Variants in TBC1D32 observed in about 807,000 individuals in gnomAD.
TBC1D32 encodes protein broad-minded.
A neutral mutation model predicts 170.3 loss-of-function variants in TBC1D32; 151 were observed. The observed-to-expected ratio is 0.89, with a 90% CI of 0.78 to 1.01. The LOEUF (loss-of-function observed/expected upper bound fraction) is 1.01. TBC1D32 is among the 50% of genes least tolerant of loss of function. TBC1D32 has a pLI of 0.00. For synonymous variants in TBC1D32, 498 were observed against 488.0 expected (o/e 1.02, Z -0.27); for missense variants, 1,464 against 1,457.1 (o/e 1.00, Z -0.08).
rs530815470 is a variant in TBC1D32 at position 121,169,762 on chromosome 6, G to C, written c.2571-8706C>G. On this transcript the variant is annotated intron_variant, in intron 22 of 31. Coordinates refer to ENST00000398212, the MANE Select transcript of TBC1D32 (RefSeq NM_152730.6). ...CTCCATAATAATTTTCCAAGACCTGGCTAAGATGCAGACATACTCTTTTTA... is the reference window on the plus strand; with the variant it reads ...CTCCATAATAATTTTCCAAGACCTGCCTAAGATGCAGACATACTCTTTTTA... Among the ~76,000 whole-genome samples the C allele has an allele frequency of 1.3e-4, 20 of 152,130 alleles. 1 individual carries two copies. Among genetic ancestry groups the C allele is most frequent in the Middle Eastern group, 6.8e-3 (2 of 294 alleles).
chr6:121,221,105 A>G (rs1184733260), intron 21 of TBC1D32, among the ~76,000 whole-genome samples: 3 of 152,232 alleles, frequency 2.0e-5, no homozygotes, highest in Non-Finnish European at 2.9e-5. Flanking sequence ...GCAGAAGCCA[A>G]TGCTCATTTA....
chr6:121,254,534 A>G (rs1798720915), intron 17 of TBC1D32, among the ~76,000 whole-genome samples: 1 of 152,198 alleles, frequency 6.6e-6, no homozygotes, highest in Non-Finnish European at 1.5e-5. Context: ...TGTGACAACT[A>G]TATTAGAAAA....
chr6:121,239,157 C>T lies in TBC1D32; in HGVS notation c.2277G>A (p.Trp759Ter), dbSNP rs1453895442. Reference sequence around the variant, plus strand: ...CATCTCTTCCATATTCCAGATTGGACCATAATTCAGTTATAAGTTCATTAA... The same window carrying T: ...CATCTCTTCCATATTCCAGATTGGATCATAATTCAGTTATAAGTTCATTAA... ...GFINELITEL[W>*]SNLEYGRDDV... is the part of the protein sequence containing the mutation. The change falls in exon 20 of 32, where the codon TGG becomes TGA. Residue 759 changes from tryptophan to a stop codon, truncating the protein, a stop_gained. Coordinates refer to ENST00000398212, the MANE Select transcript of TBC1D32 (RefSeq NM_152730.6). LOFTEE classifies it high-confidence loss of function. 1 of 1,598,736 alleles carries T rather than the reference C, an allele frequency of 6.3e-7. No homozygotes were observed. The highest frequency in any genetic ancestry group is 1.3e-5 in the African/African-American group (1 of 74,774).
In TBC1D32 at chr6:121,242,355, G is replaced by A; in HGVS notation, c.2019-16C>T. 6.2e-7 allele frequency: 1 copy of A among 1,609,582 alleles called. No individual in the cohort carries two copies. Among genetic ancestry groups the A allele is most frequent in the Non-Finnish European group, 8.5e-7 (1 of 1,178,422 alleles). ...CCAAGCCATACTGAAATAGGTAAAA[G>A]AAAGGTAGAGCTTTCTTTAAGATAC... is the stretch of plus-strand genomic sequence containing the variant. On this transcript the variant is annotated splice_polypyrimidine_tract_variant and intron_variant, in intron 17 of 31. Transcript: ENST00000398212.
intron 30 of TBC1D32, among the ~76,000 whole-genome samples, chr6:121,099,254 A>G (rs907175473): frequency 6.6e-6 from 1 of 151,974 alleles, no homozygotes; most frequent in Non-Finnish European, 1.5e-5. Context: ...GTACTTCTTA[A>G]GCCAGGAAAA....
intron 24 of TBC1D32, among the ~76,000 whole-genome samples, chr6:121,155,737 G>A (rs1012924091): frequency 6.6e-6 from 1 of 151,962 alleles, no homozygotes; most frequent in Non-Finnish European, 1.5e-5. Context: ...TTTTACTGAG[G>A]GCTTTTTCTG....
intron 9 of TBC1D32, among the ~76,000 whole-genome samples, chr6:121,300,464 T>G (rs1373751373): frequency 2.0e-5 from 3 of 151,834 alleles, no homozygotes; most frequent in Non-Finnish European, 4.4e-5. Context: ...AGAATAAAGC[T>G]TTGACAAACC....
intron 2 of TBC1D32, among the ~76,000 whole-genome samples, chr6:121,317,904 T>C (rs1809156526): frequency 6.6e-6 from 1 of 152,072 alleles, no homozygotes. Context: ...CCTAGGTTTT[T>C]TCATGGTTAC....
At chr6:121,180,645 G>A (rs1273764) in intron 22 of TBC1D32, among the ~76,000 whole-genome samples, 5,733 of 152,118 alleles carry the variant, frequency 0.038, 371 homozygotes, top group African/African-American at 0.13. Context: ...GAAAACGCTG[G>A]GGAAACACTA....
At chr6:121,292,792 C>G (rs1805065231) in intron 11 of TBC1D32, among the ~76,000 whole-genome samples, 1 of 152,158 alleles carries the variant, frequency 6.6e-6, no homozygotes, top group Non-Finnish European at 1.5e-5. Flanking sequence ...AGAGAATTCA[C>G]ATCAGCAAAG....
At chr6:121,211,756 C>T (rs1793096234) in intron 21 of TBC1D32, among the ~76,000 whole-genome samples, 1 of 152,134 alleles carries the variant, frequency 6.6e-6, no homozygotes, top group East Asian at 1.9e-4. Context: ...GGAAGACCCG[C>T]TGGAAAGACT....
chr6:121,256,257 A>G lies in TBC1D32; in HGVS notation c.1762T>C (p.Phe588Leu), dbSNP rs775130673. 21 of 1,613,470 alleles carry G rather than the reference A, an allele frequency of 1.3e-5. No homozygotes were observed. In the Admixed American group the frequency reaches 3.5e-4, roughly 27 times the overall value. Reference sequence around the variant, plus strand: ...TCTTCATCGAGAAGTTTTTTCGAAAACTGGGCAATTATATGAGCACCTGTA... The same window carrying G: ...TCTTCATCGAGAAGTTTTTTCGAAAGCTGGGCAATTATATGAGCACCTGTA... ...SPTGAHIIAQ[F>L]SKKLLDEDIS... The change falls in exon 16 of 32, where the codon TTT (phenylalanine) becomes CTT (leucine). Residue 588 changes from phenylalanine (F) to leucine (L), a missense_variant. Phe to Leu is a conservative substitution (Grantham distance 22). This residue lies in a region of TBC1D32 where 1,363 missense variants were observed against 1,338.1 expected (regional missense o/e 1.02). Transcript: ENST00000398212.
intron 21 of TBC1D32, among the ~76,000 whole-genome samples, chr6:121,213,158 C>G (rs1280618604): frequency 6.6e-6 from 1 of 152,102 alleles, no homozygotes; most frequent in Non-Finnish European, 1.5e-5. Flanking sequence ...GATGTCCTCT[C>G]TCACCATCTC....
chr6:121,103,705 C>T (rs1778396804), intron 30 of TBC1D32, among the ~76,000 whole-genome samples: 1 of 151,864 alleles, frequency 6.6e-6, no homozygotes, highest in Non-Finnish European at 1.5e-5. Context: ...GCACGTTGTG[C>T]ACATGTACCC....
At chr6:121,125,686 C>T (rs1469916288) in intron 26 of TBC1D32, among the ~76,000 whole-genome samples, 1 of 152,118 alleles carries the variant, frequency 6.6e-6, no homozygotes, top group African/African-American at 2.4e-5. Flanking sequence ...GACAGCTCCC[C>T]AACTGCTGTA....
At chr6:121,090,586 A>G (rs1189565802) in intron 31 of TBC1D32, among the ~76,000 whole-genome samples, 3 of 152,164 alleles carry the variant, frequency 2.0e-5, no homozygotes, top group African/African-American at 7.2e-5. Context: ...TATTTTTACA[A>G]TATTTCTTTT....
At chr6:121,238,169 C>T (rs1796542349) in intron 20 of TBC1D32, among the ~76,000 whole-genome samples, 2 of 152,002 alleles carry the variant, frequency 1.3e-5, no homozygotes, top group Admixed American at 1.3e-4. Flanking sequence ...AATTTTCCAC[C>T]TGCTGTGTAG....
Position 121,112,587 on chromosome 6 carries a change from T to C in TBC1D32, c.3242A>G (p.Lys1081Arg). The C allele has an allele frequency of 6.2e-7, 1 of 1,611,332 alleles. No homozygotes were observed. ...SSLFMIMLGD[K>R]EKTFQFLHQF... ...ATGAAGAAATTGGAATGTTTTTTCT[T>C]TGTCTCCCAACATTATCATGAACAG... The change falls in exon 29 of 32, where the codon AAA (lysine) becomes AGA (arginine). Residue 1081 changes from lysine (K) to arginine (R), a missense_variant. Lys to Arg is a conservative substitution (Grantham distance 26, BLOSUM62 2). This residue lies in a region of TBC1D32 where 1,363 missense variants were observed against 1,338.1 expected (regional missense o/e 1.02). Transcript: ENST00000398212.
At chr6:121,301,651 C>T (rs966176591) in intron 9 of TBC1D32, among the ~76,000 whole-genome samples, 1 of 151,994 alleles carries the variant, frequency 6.6e-6, no homozygotes, top group East Asian at 1.9e-4. Context: ...CAAACCTGCA[C>T]GTTCTGCACA....
Sources: allele counts gnomAD v4.1 joint callset (sites outside exome capture counted in the v4.1 genomes callset), GRCh38; gene constraint gnomAD v4.1.1; regional missense constraint gnomAD v4.1.1; transcripts MANE v1.5; gene names NCBI Gene and HGNC (gene_info 2026-07-23, HGNC 2026-07-21).